IL20: variants seen among roughly 807,000 people sequenced by gnomAD.
IL20 encodes the protein interleukin 20, also known as interleukin-20.
IL20 carries 22 observed loss-of-function variants against 19.2 expected under a neutral mutation model. That is an observed-to-expected ratio of 1.15 (90% CI 0.82 to 1.64). IL20 has a LOEUF of 1.64. Ranked by LOEUF, IL20 falls within the 40% of genes most tolerant of loss-of-function variation. The pLI, the probability that IL20 is intolerant of heterozygous loss-of-function variation, is 0.00. For synonymous variants in IL20, 70 were observed against 76.2 expected (o/e 0.92, Z 0.43); for missense variants, 215 against 212.8 (o/e 1.01, Z -0.06).
chr1:206,866,570 T>C lies in IL20; in HGVS notation c.312T>C (p.Tyr104=), dbSNP rs1244831917. 6.2e-6 allele frequency: 10 copies of C among 1,614,142 alleles called. No homozygotes were observed. The highest frequency in any genetic ancestry group is 6.8e-6 in the Non-Finnish European group (8 of 1,179,968). ...AAAACTACCAGACCCCTGACCATTA[T>C]ACTCTCCGGAAGATCAGCAGCCTCG... ...VFKNYQTPDH[Y]TLRKISSLAN... Residue 104 remains tyrosine, a synonymous_variant, in exon 4 of 6, where the codon TAT becomes TAC. Transcript: ENST00000367098.
upstream of IL20, among the ~76,000 whole-genome samples, chr1:206,864,677 A>G (rs1318514289): frequency 6.6e-6 from 1 of 152,130 alleles, no homozygotes. Context: ...GAAACATGAA[A>G]ACATGTGAAT....
At chr1:206,866,270 C>G (rs1301917018) in intron 2 of IL20, 29 bp from the exon 3 acceptor site, 3 of 1,610,338 alleles carry the variant, frequency 1.9e-6, no homozygotes, top group Non-Finnish European at 2.5e-6. Context: ...ACTGACTCAT[C>G]CTTGCTTGTT....
At chr1:206,866,739 G>A in intron 4 of IL20, 103 bp downstream of exon 4, 1 of 1,142,704 alleles carries the variant, frequency 8.8e-7, no homozygotes, top group Non-Finnish European at 1.3e-6. Flanking sequence ...TGGAGAAACT[G>A]AGTCCAAAAG....
chr1:206,866,254 G>A, intron 2 of IL20, 45 bp from the exon 3 acceptor site: 2 of 1,578,924 alleles, frequency 1.3e-6, no homozygotes, highest in African/African-American at 2.7e-5. Context: ...GACCCTGGCA[G>A]CAGGCACTGA....
intron 5 of IL20, among the ~76,000 whole-genome samples, chr1:206,868,124 T>A (rs1677609321): frequency 1.3e-5 from 2 of 151,970 alleles, no homozygotes; most frequent in Non-Finnish European, 2.9e-5. Context: ...TCTGTTCAAC[T>A]GATGTGTGCA....
chr1:206,868,339 C>G (rs1269637081), intron 5 of IL20, 148 bp from the exon 6 acceptor site: 8 of 446,332 alleles, frequency 1.8e-5, no homozygotes, highest in Non-Finnish European at 2.3e-5. Context: ...TGTGTGATAT[C>G]TTGAGATTCT....
At chr1:206,867,558 C>A in intron 5 of IL20, 100 bp downstream of exon 5, 1 of 994,622 alleles carries the variant, frequency 1.0e-6, no homozygotes, top group Non-Finnish European at 1.6e-6. Flanking sequence ...CTGTAGCCTT[C>A]AGGTTCATAG....
At position 206,867,444 on chromosome 1, in the gene IL20, A is replaced by G; in HGVS notation, c.439A>G (p.Ser147Gly). Residue 147 changes from serine to glycine, a missense_variant, in exon 5 of 6, where the codon AGT (serine) becomes GGT (glycine). Physicochemically the swap from Ser to Gly is moderately conservative, Grantham distance 56. Coordinates refer to ENST00000367098, the MANE Select transcript of IL20 (RefSeq NM_018724.4). ...AATGAAGAAATACAGCCAGATTCTGAGTCACTTTGAAAAGGTATATGCGAC... is the reference window on the plus strand; with the variant it reads ...AATGAAGAAATACAGCCAGATTCTGGGTCACTTTGAAAAGGTATATGCGAC... ...EAMKKYSQILSHFEKLEPQAA... is the reference protein window; with the variant it reads ...EAMKKYSQILGHFEKLEPQAA... The G allele has an allele frequency of 1.2e-6, 2 of 1,613,702 alleles. No individual in the cohort carries two copies. Among genetic ancestry groups the G allele is most frequent in the Non-Finnish European group, 1.7e-6 (2 of 1,179,656 alleles).
chr1:206,867,841 G>A (rs958024355), intron 5 of IL20, among the ~76,000 whole-genome samples: 1 of 151,864 alleles, frequency 6.6e-6, no homozygotes, highest in Non-Finnish European at 1.5e-5. Context: ...ACCTTCTCAT[G>A]TCTGCCAGGA....
intron 4 of IL20, among the ~76,000 whole-genome samples, chr1:206,867,031 CTTT>C (rs35155146): frequency 1.5e-5 from 2 of 134,226 alleles, no homozygotes; most frequent in African/African-American, 5.6e-5. Flanking sequence ...GAATTCAATT[CTTT>C]TTTTTTTTTT....
rs1677644946 is a variant in IL20 at position 206,869,203 on chromosome 1, TAAA to T, written c.*640_*642del. On this transcript the variant is annotated 3_prime_UTR_variant, in exon 6 of 6. Coordinates refer to ENST00000367098, the MANE Select transcript of IL20 (RefSeq NM_018724.4). ...CACGGCCAGCATGTATTTCTACAAATAAAGTTTTCTTTGCATAACATCTGCTTG... is the reference window on the plus strand; with the variant it reads ...CACGGCCAGCATGTATTTCTACAAATGTTTTCTTTGCATAACATCTGCTTG... The T allele has an allele frequency of 6.6e-6, 1 of 152,300 alleles. No individual in the cohort carries two copies. The highest frequency in any genetic ancestry group is 1.5e-5 in the Non-Finnish European group (1 of 68,026). 9.4% of individuals were successfully genotyped at this position (152,300 alleles called of 1,614,324 possible).
chr1:206,866,239 T>C, intron 2 of IL20, 60 bp from the exon 3 acceptor site: 1 of 1,523,848 alleles, frequency 6.6e-7, no homozygotes, highest in South Asian at 1.1e-5. Context: ...AGTCTTGATA[T>C]TGAAGACCCT....
At chr1:206,866,698 T>G (rs1572589681) in intron 4 of IL20, 62 bp downstream of exon 4, 2 of 1,482,118 alleles carry the variant, frequency 1.3e-6, no homozygotes, top group East Asian at 4.5e-5. Flanking sequence ...GCTTAGCAAC[T>G]AAACTCTCTT....
rs1028679260 is a variant in IL20, at chr1:206,867,266, T to C, written c.379-118T>C. The C allele has an allele frequency of 6.2e-6, 5 of 801,418 alleles. No homozygotes were observed. In the Admixed American group the frequency reaches 9.4e-5, roughly 15 times the overall value. 49.6% of individuals were successfully genotyped at this position (801,418 alleles called of 1,614,324 possible). ...AATGTGAGGTCTGAAAGAGCTTTTCTATAGGAATAAGCATCCTCAGGGTTG... is the reference window on the plus strand; with the variant it reads ...AATGTGAGGTCTGAAAGAGCTTTTCCATAGGAATAAGCATCCTCAGGGTTG... On this transcript the variant is annotated intron_variant, in intron 4 of 5. Coordinates refer to ENST00000367098, the MANE Select transcript of IL20 (RefSeq NM_018724.4).
intron 4 of IL20, 121 bp from the exon 5 acceptor site, chr1:206,867,263 T>C: frequency 1.3e-6 from 1 of 780,406 alleles, no homozygotes; most frequent in South Asian, 1.8e-5. Flanking sequence ...GAAAGAGCTT[T>C]TCTATAGGAA....
chr1:206,866,112 C>A, intron 2 of IL20, 101 bp downstream of exon 2: 1 of 1,259,348 alleles, frequency 7.9e-7, no homozygotes. Flanking sequence ...TAAAAAGAGG[C>A]AGGCTGGGGA....
At chr1:206,864,396 G>C (rs1006271799), upstream of IL20, among the ~76,000 whole-genome samples, 3 of 151,600 alleles carry the variant, frequency 2.0e-5, no homozygotes, top group Non-Finnish European at 4.4e-5. Flanking sequence ...TATATATATG[G>C]ATGTGTGCAT....
At position 206,868,545 on chromosome 1, in the gene IL20, G is replaced by A; in HGVS notation, c.512G>A (p.Trp171Ter). The A allele has an allele frequency of 6.2e-7, 1 of 1,605,880 alleles. No homozygotes were observed. Among genetic ancestry groups the A allele is most frequent in the East Asian group, 2.3e-5 (1 of 44,284 alleles). ...ALGELDILLQWMEETE is the reference protein window; with the variant it reads ...ALGELDILLQ ...GGGGAACTAGACATTCTTCTGCAAT[G>A]GATGGAGGAGACAGAATAGGAGGAA... is the stretch of plus-strand genomic sequence containing the variant. The change falls in exon 6 of 6, where the codon TGG becomes TAG. Residue 171 changes from tryptophan (W) to a stop codon, truncating the protein, a stop_gained. Coordinates refer to ENST00000367098, the MANE Select transcript of IL20 (RefSeq NM_018724.4). LOFTEE classifies it high-confidence loss of function.
At chr1:206,864,476 A>G (rs1370024337), upstream of IL20, among the ~76,000 whole-genome samples, 1 of 152,142 alleles carries the variant, frequency 6.6e-6, no homozygotes, top group Non-Finnish European at 1.5e-5. Flanking sequence ...TTTCAAAAAT[A>G]TTAAAGTATT....
Sources: gnomAD v4.1 joint callset for allele counts (sites outside exome capture counted in the v4.1 genomes callset) on GRCh38, gnomAD v4.1.1 for gene constraint, MANE v1.5 for transcripts, NCBI Gene and HGNC (gene_info 2026-07-23, HGNC 2026-07-21) for gene names.